DCC: variants seen among roughly 807,000 people sequenced by gnomAD.
DCC encodes netrin receptor DCC.
DCC carries 58 observed loss-of-function variants against 172.5 expected under a neutral mutation model. That is an observed-to-expected ratio of 0.34 (90% confidence interval 0.27 to 0.42). DCC has a LOEUF of 0.42. Among genes scored for constraint, DCC ranks in the 10% least tolerant of loss-of-function variants. DCC has a pLI of 1.00. For synonymous variants in DCC, 709 were observed against 644.5 expected (o/e 1.10, Z -1.52); for missense variants, 1,740 against 1,791.0 (o/e 0.97, Z 0.51).
chr18:52,872,847 A>G (rs1410862193), intron 2 of DCC, among the ~76,000 whole-genome samples: 1 of 152,216 alleles, frequency 6.6e-6, no homozygotes, highest in Non-Finnish European at 1.5e-5. Context: ...GTGATGATAT[A>G]ACACTTGAAA....
intron 2 of DCC, among the ~76,000 whole-genome samples, chr18:52,789,087 T>C (rs930492358): frequency 6.6e-6 from 1 of 152,096 alleles, no homozygotes; most frequent in Non-Finnish European, 1.5e-5. Context: ...TCCCTTAAAG[T>C]ATGTTTTCTC....
At chr18:53,245,376 C>T (rs952208128) in intron 12 of DCC, among the ~76,000 whole-genome samples, 1 of 152,126 alleles carries the variant, frequency 6.6e-6, no homozygotes, top group African/African-American at 2.4e-5. Context: ...AGGCTGTGTT[C>T]TGTATGCTCT....
At position 53,205,382 on chromosome 18, in the gene DCC, C is replaced by T; in HGVS notation, c.1722+18C>T. 1 of 1,611,630 alleles carries T rather than the reference C, an allele frequency of 6.2e-7. No individual in the cohort carries two copies. Among genetic ancestry groups the T allele is most frequent in the Non-Finnish European group, 8.5e-7 (1 of 1,177,814 alleles). On this transcript the variant is annotated intron_variant, in intron 10 of 28. Transcript: ENST00000442544. ...AAGAACAGGTAGGTGAAGGAATGGA[C>T]CACACTGCTTCCATCTGTTGGATGT...
chr18:53,259,678 A>C (rs985803213), intron 12 of DCC, among the ~76,000 whole-genome samples: 2 of 152,034 alleles, frequency 1.3e-5, no homozygotes, highest in Non-Finnish European at 2.9e-5. Flanking sequence ...TGAATCTGAC[A>C]ATTAAGTGTC....
At chr18:52,761,172 C>T (rs1423457662) in intron 2 of DCC, among the ~76,000 whole-genome samples, 1 of 152,284 alleles carries the variant, frequency 6.6e-6, no homozygotes, top group East Asian at 1.9e-4. Flanking sequence ...TCACATCTTA[C>T]ATGGATGGTG....
At chr18:53,243,088 C>G (rs775190229) in intron 12 of DCC, among the ~76,000 whole-genome samples, 2 of 152,086 alleles carry the variant, frequency 1.3e-5, no homozygotes, top group Non-Finnish European at 2.9e-5. Flanking sequence ...GTGAGCATTT[C>G]TGGATTGAAA....
intron 1 of DCC, among the ~76,000 whole-genome samples, chr18:52,535,664 C>T (rs2032268240): frequency 6.6e-6 from 1 of 152,004 alleles, no homozygotes; most frequent in Admixed American, 6.6e-5. Flanking sequence ...TTGCAAAACA[C>T]TAAAATAATT....
intron 1 of DCC, among the ~76,000 whole-genome samples, chr18:52,446,405 T>C (rs1043713145): frequency 6.6e-5 from 10 of 152,220 alleles, no homozygotes; most frequent in African/African-American, 1.2e-4. Flanking sequence ...GGAACACTGA[T>C]AGAAGTATCG....
chr18:53,413,483 C>CT (rs1299006023), intron 20 of DCC, among the ~76,000 whole-genome samples: 1 of 152,142 alleles, frequency 6.6e-6, no homozygotes, highest in Non-Finnish European at 1.5e-5. Context: ...CATATGGTCC[C>CT]TGTTGGAAAA....
At chr18:52,700,173 CACACATGCACACGCACACACACGCACAT>C (rs1411652248) in intron 1 of DCC, among the ~76,000 whole-genome samples, 3 of 149,406 alleles carry the variant, frequency 2.0e-5, no homozygotes, top group Non-Finnish European at 4.4e-5. Flanking sequence ...CACACGCACA[CACACATGCACACGCACACACACGCACAT>C]ACACACATGC....
intron 15 of DCC, among the ~76,000 whole-genome samples, chr18:53,357,301 C>A (rs758976043): frequency 6.6e-6 from 1 of 152,072 alleles, no homozygotes; most frequent in Non-Finnish European, 1.5e-5. Flanking sequence ...AGAAATAGGT[C>A]TTTTATCCTG....
chr18:53,376,533 T>A (rs1200339151), intron 15 of DCC, among the ~76,000 whole-genome samples: 1 of 152,162 alleles, frequency 6.6e-6, no homozygotes, highest in Non-Finnish European at 1.5e-5. Flanking sequence ...AAGCAGCTTA[T>A]CTCCAGTCTG....
chr18:52,905,397 T>A (rs1051930838), intron 2 of DCC, among the ~76,000 whole-genome samples: 2 of 152,174 alleles, frequency 1.3e-5, no homozygotes, highest in African/African-American at 2.4e-5. Context: ...GCTCAACTAG[T>A]CTAGAAACAC....
At chr18:52,822,122 A>T (rs1198440227) in intron 2 of DCC, among the ~76,000 whole-genome samples, 1 of 152,232 alleles carries the variant, frequency 6.6e-6, no homozygotes, top group Non-Finnish European at 1.5e-5. Context: ...CAGTTGACTT[A>T]GGATAAGTAA....
At chr18:53,348,545 T>A (rs1204929489) in intron 15 of DCC, among the ~76,000 whole-genome samples, 1 of 152,126 alleles carries the variant, frequency 6.6e-6, no homozygotes. Context: ...TTCTGATAGC[T>A]CCACTAGGCA....
intron 2 of DCC, among the ~76,000 whole-genome samples, chr18:52,773,726 G>A (rs184559857): frequency 1.7e-3 from 251 of 152,108 alleles, no homozygotes; most frequent in Middle Eastern, 3.4e-3. Context: ...ACGGGGTTTC[G>A]CCATGATGGC....
intron 2 of DCC, among the ~76,000 whole-genome samples, chr18:52,867,532 G>A (rs527263017): frequency 6.6e-6 from 1 of 151,756 alleles, no homozygotes; most frequent in Non-Finnish European, 1.5e-5. Context: ...TTGGGTGGTA[G>A]GCTATTAATT....
intron 1 of DCC, among the ~76,000 whole-genome samples, chr18:52,644,077 G>A (rs1388285854): frequency 6.6e-6 from 1 of 152,070 alleles, no homozygotes; most frequent in East Asian, 1.9e-4. Flanking sequence ...ATGACATAGT[G>A]TATTGTGTGT....
At chr18:53,140,347 C>A (rs924576232) in intron 7 of DCC, among the ~76,000 whole-genome samples, 3 of 152,164 alleles carry the variant, frequency 2.0e-5, no homozygotes, top group South Asian at 4.1e-4. Flanking sequence ...AAAATGAATT[C>A]TTTCGCAGAA....
Sources: allele counts gnomAD v4.1 joint callset (sites outside exome capture counted in the v4.1 genomes callset), GRCh38; gene constraint gnomAD v4.1.1; transcripts MANE v1.5; gene names NCBI Gene and HGNC (gene_info 2026-07-23, HGNC 2026-07-21).